Variants in NUDT14 observed in about 807,000 individuals in gnomAD.
NUDT14 encodes nudix hydrolase 14.
In NUDT14, 22 loss-of-function variants were observed where a neutral mutation model predicts 17.5. The ratio of observed to expected loss-of-function variants is 1.26; its 90% confidence interval spans 0.90 to 1.80. The LOEUF is 1.80. Ranked by LOEUF, NUDT14 falls within the 40% of genes most tolerant of loss-of-function variation. NUDT14 has a pLI of 0.00. For synonymous variants in NUDT14, 129 were observed against 125.8 expected, an observed-to-expected ratio of 1.03 and a Z score of -0.17; for missense variants, 296 against 295.6, an observed-to-expected ratio of 1.00 and a Z score of -0.01.
chr14:105,174,123 G>A (rs11844206), intron 4 of NUDT14, among the ~76,000 whole-genome samples: 99,666 of 151,926 alleles, frequency 0.66, 33,208 homozygotes, highest in African/African-American at 0.77. Flanking sequence ...CAGGCCCAGT[G>A]GCCCAGGCTG....
chr14:105,177,565 G>A, intron 2 of NUDT14, 127 bp downstream of exon 2: 1 of 837,364 alleles, frequency 1.2e-6, no homozygotes, highest in South Asian at 1.6e-5. Context: ...CAGAGAGAAG[G>A]GACTTTTGGA....
chr14:105,181,238 AGCTCTGCGG>A lies in NUDT14; in HGVS notation c.-38_-30del. The A allele has an allele frequency of 4.2e-6, 1 of 238,000 alleles. No homozygotes were observed. Among genetic ancestry groups the A allele is most frequent in the Non-Finnish European group, 5.3e-6 (1 of 188,988 alleles). 14.7% of individuals were successfully genotyped at this position (238,000 alleles called of 1,614,324 possible). On this transcript the variant is annotated 5_prime_UTR_variant, in exon 1 of 5. Coordinates refer to ENST00000392568, the MANE Select transcript of NUDT14 (RefSeq NM_177533.5). The surrounding 1 kb of genome is among the most constrained non-coding windows in gnomAD (Gnocchi z 5.0). Reference sequence around the variant, plus strand: ...GGCGCCCGGACAGGCGGGGGCCGCGAGCTCTGCGGGGGCCGACACGGGGCGGCGCCCTGT... The same window carrying A: ...GGCGCCCGGACAGGCGGGGGCCGCGAGGGCCGACACGGGGCGGCGCCCTGT...
Position 105,176,992 on chromosome 14 carries a change from C to T in NUDT14, c.161G>A (p.Ser54Asn). 2 of 1,612,122 alleles carry T rather than the reference C, an allele frequency of 1.2e-6. No homozygotes were observed. The highest frequency in any genetic ancestry group is 1.7e-6 in the Non-Finnish European group (2 of 1,179,818). ...CCGGAACTGCTTCACCAACACCAGG[C>T]TCCTCCGAGAAGAGTTGAATAAGAG... Reference protein sequence around the residue: ...TVLLFNSSRRSLVLVKQFRPA... With the variant: ...TVLLFNSSRRNLVLVKQFRPA... Residue 54 changes from serine to asparagine, a missense_variant, in exon 3 of 5, where the codon AGC (serine) becomes AAC (asparagine). By Grantham distance (46) the Ser-to-Asn change is conservative. Transcript: ENST00000392568.
rs1367473561 is a variant in NUDT14, at chr14:105,181,283, G to A, written c.-74C>T. The stretch of plus-strand genomic sequence containing the variant: ...GGGGCGGCGCCCTGTCCCGACAGGA[G>A]CCTTCGGGCGGGCGCGTGACCGCGG... On this transcript the variant is annotated 5_prime_UTR_variant, in exon 1 of 5. Transcript: ENST00000392568. The surrounding 1 kb of genome is among the most constrained non-coding windows in gnomAD (Gnocchi z 5.0). 13 of 622,322 alleles carry A rather than the reference G, an allele frequency of 2.1e-5. No individual in the cohort carries two copies. Among genetic ancestry groups the A allele is most frequent in the Non-Finnish European group, 2.7e-5 (13 of 477,524 alleles). The allele number at this position is 622,322 out of a possible 1,614,324, so 38.6% of individuals were successfully genotyped here. A position where few individuals can be genotyped will look rare whatever the true frequency, so the allele number is the denominator to read the frequency against.
chr14:105,180,277 G>A (rs1302103200), intron 1 of NUDT14, among the ~76,000 whole-genome samples: 2 of 152,174 alleles, frequency 1.3e-5, no homozygotes, highest in Non-Finnish European at 2.9e-5. Context: ...ACCAGCCTGG[G>A]CAACAGTGAG....
At chr14:105,175,870 G>A in intron 4 of NUDT14, 1 of 1,139,118 alleles carries the variant, frequency 8.8e-7, no homozygotes, top group South Asian at 1.7e-5. Flanking sequence ...AGTGGAGCGG[G>A]CCCTGGCCTC....
In NUDT14 at chr14:105,173,246, C is replaced by G. The variant is rs1214133548; in HGVS notation, c.444G>C (p.Leu148=). The G allele has an allele frequency of 6.4e-7, 1 of 1,573,378 alleles. No homozygotes were observed. Among genetic ancestry groups the G allele is most frequent in the Admixed American group, 1.8e-5 (1 of 54,228 alleles). ...AGAACATGGTCTGTCTGGAGCCAGT[C>G]AGTCCCACTCCAGACCTACGGGTTG... ...RVATYWSGVG[L]TGSRQTMFYT... Residue 148 remains leucine (L), a synonymous_variant, in exon 5 of 5, where the codon CTG becomes CTC. Coordinates refer to ENST00000392568, the MANE Select transcript of NUDT14 (RefSeq NM_177533.5). The surrounding 1 kb of genome is among the most constrained non-coding windows in gnomAD (Gnocchi z 4.7).
intron 1 of NUDT14, among the ~76,000 whole-genome samples, chr14:105,178,592 G>A (rs1566778438): frequency 6.6e-6 from 1 of 152,198 alleles, no homozygotes; most frequent in African/African-American, 2.4e-5. Flanking sequence ...CCTGGGGGCT[G>A]AGCCTGGGGT....
rs1320140367 is a variant in NUDT14 at position 105,181,112 on chromosome 14, C to T, written c.81+17G>A. 9 of 970,656 alleles carry T rather than the reference C, an allele frequency of 9.3e-6. No individual in the cohort carries two copies. The highest frequency in any genetic ancestry group is 1.8e-5 in the African/African-American group (1 of 56,102). The allele number at this position is 970,656 out of a possible 1,614,324, so 60.1% of individuals were successfully genotyped here. A position where few individuals can be genotyped will look rare whatever the true frequency, so the allele number is the denominator to read the frequency against. On this transcript the variant is annotated intron_variant, in intron 1 of 4. Transcript: ENST00000392568. The surrounding 1 kb of genome is among the most constrained non-coding windows in gnomAD (Gnocchi z 5.0). Reference sequence around the variant, plus strand: ...GCCGCCGGCGGGGGCGCGGGGGACGCGGGGGCGCGGGCTCACCTGGCGGTA... The same window carrying T: ...GCCGCCGGCGGGGGCGCGGGGGACGTGGGGGCGCGGGCTCACCTGGCGGTA...
Position 105,176,601 on chromosome 14 carries a change from T to A in NUDT14, c.361A>T (p.Lys121Ter). The change falls in exon 4 of 5, where the codon AAG becomes TAG. Residue 121 changes from lysine (K) to a stop codon, truncating the protein, a stop_gained. Transcript: ENST00000392568. LOFTEE classifies it high-confidence loss of function. ...PGLSLEEVAC[K>*]EAWEECGYHL... The stretch of plus-strand genomic sequence containing the variant: ...TAGCCACACTCCTCCCAAGCCTCCT[T>A]GCAAGCCACTTCCTCCAGCGAGAGC... 6.2e-7 allele frequency: 1 copy of A among 1,612,620 alleles called. No homozygotes were observed. Among genetic ancestry groups the A allele is most frequent in the Non-Finnish European group, 8.5e-7 (1 of 1,179,908 alleles).
chr14:105,180,274 T>A (rs1377123609), intron 1 of NUDT14, among the ~76,000 whole-genome samples: 1 of 152,146 alleles, frequency 6.6e-6, no homozygotes, highest in African/African-American at 2.4e-5. Context: ...AAGACCAGCC[T>A]GGGCAACAGT....
In NUDT14 at chr14:105,176,739, G is replaced by A. The variant is rs374599884; in HGVS notation, c.223C>T (p.Pro75Ser). ...VYAGEVERRF[P>S]GSLAAVDQDG... The stretch of plus-strand genomic sequence containing the variant: ...TGGTCTACAGCTGCTAGGGACCCTG[G>A]GAAGCGGCGCTCCACCTCACCCGCA... The change falls in exon 4 of 5, where the codon CCA becomes TCA. Residue 75 changes from proline to serine, a missense_variant. Pro to Ser is a moderately conservative substitution (Grantham distance 74). Transcript: ENST00000392568. 3 of 1,612,454 alleles carry A rather than the reference G, an allele frequency of 1.9e-6. No homozygotes were observed. The African/African-American group carries it at 4.0e-5, about 22-fold the overall frequency.
At position 105,181,231 on chromosome 14, in the gene NUDT14, GGCCGCGAGC is replaced by G; in HGVS notation, c.-31_-23del. 7.8e-6 allele frequency: 2 copies of G among 256,920 alleles called. No homozygotes were observed. The highest frequency in any genetic ancestry group is 8.4e-5 in the African/African-American group (1 of 11,864). 15.9% of individuals were successfully genotyped at this position (256,920 alleles called of 1,614,324 possible). ...CCATGGCGGCGCCCGGACAGGCGGG[GGCCGCGAGC>G]TCTGCGGGGGCCGACACGGGGCGGC... On this transcript the variant is annotated 5_prime_UTR_variant, in exon 1 of 5. Coordinates refer to ENST00000392568, the MANE Select transcript of NUDT14 (RefSeq NM_177533.5). The surrounding 1 kb of genome is among the most constrained non-coding windows in gnomAD (Gnocchi z 5.0).
At position 105,176,024 on chromosome 14, in the gene NUDT14, C is replaced by T. The variant is rs1016670768; in HGVS notation, c.428+510G>A. ...GATGGGCTTCATACCAACATCTAGT[C>T]CTGGGAAGGCAACCCCACCCCAGCT... On this transcript the variant is annotated intron_variant, in intron 4 of 4. Coordinates refer to ENST00000392568, the MANE Select transcript of NUDT14 (RefSeq NM_177533.5). 9 of 1,236,396 alleles carry T rather than the reference C, an allele frequency of 7.3e-6. No individual in the cohort carries two copies. The Admixed American group carries it at 8.3e-5, about 11-fold the overall frequency. The allele number at this position is 1,236,396 out of a possible 1,614,324, so 76.6% of individuals were successfully genotyped here. A position where few individuals can be genotyped will look rare whatever the true frequency, so the allele number is the denominator to read the frequency against.
Position 105,181,222 on chromosome 14 carries a change from A to C in NUDT14, c.-13T>G. On this transcript the variant is annotated 5_prime_UTR_variant, in exon 1 of 5. Transcript: ENST00000392568. The surrounding 1 kb of genome is among the most constrained non-coding windows in gnomAD (Gnocchi z 5.0). Reference sequence around the variant, plus strand: ...CGATGCGCTCCATGGCGGCGCCCGGACAGGCGGGGGCCGCGAGCTCTGCGG... The same window carrying C: ...CGATGCGCTCCATGGCGGCGCCCGGCCAGGCGGGGGCCGCGAGCTCTGCGG... 1 of 1,061,716 alleles carries C rather than the reference A, an allele frequency of 9.4e-7. No individual in the cohort carries two copies. Among genetic ancestry groups the C allele is most frequent in the Non-Finnish European group, 1.2e-6 (1 of 862,140 alleles). 65.8% of individuals were successfully genotyped at this position (1,061,716 alleles called of 1,614,324 possible).
At chr14:105,177,904 C>G in intron 1 of NUDT14, 169 bp from the exon 2 acceptor site, 1 of 617,386 alleles carries the variant, frequency 1.6e-6, no homozygotes, top group Non-Finnish European at 2.9e-6. Context: ...GAGCAAGCAG[C>G]CTGGGAGGGG....
rs1261382447 is a variant in NUDT14, at chr14:105,181,259, G to T, written c.-50C>A. 2.8e-6 allele frequency: 2 copies of T among 713,788 alleles called. No homozygotes were observed. The highest frequency in any genetic ancestry group is 3.6e-6 in the Non-Finnish European group (2 of 555,964). The allele number at this position is 713,788 out of a possible 1,614,324, so 44.2% of individuals were successfully genotyped here. On this transcript the variant is annotated 5_prime_UTR_variant, in exon 1 of 5. Transcript: ENST00000392568. This position sits in a 1 kb window ranked among gnomAD's most constrained non-coding sequence, Gnocchi z 5.0. Reference sequence around the variant, plus strand: ...CGCGAGCTCTGCGGGGGCCGACACGGGGCGGCGCCCTGTCCCGACAGGAGC... The same window carrying T: ...CGCGAGCTCTGCGGGGGCCGACACGTGGCGGCGCCCTGTCCCGACAGGAGC...
At chr14:105,177,378 G>A (rs587715049) in intron 2 of NUDT14, 11 of 546,368 alleles carry the variant, frequency 2.0e-5, no homozygotes, top group South Asian at 1.2e-4. Flanking sequence ...CACACTCCTC[G>A]AGCCACGTCG....
chr14:105,178,658 C>A (rs928335327), intron 1 of NUDT14, among the ~76,000 whole-genome samples: 5 of 152,230 alleles, frequency 3.3e-5, no homozygotes, highest in Admixed American at 2.0e-4. Flanking sequence ...GAGGCCCAGG[C>A]CAGCTGCTCA....
Sources: gnomAD v4.1 joint callset for allele counts (sites outside exome capture counted in the v4.1 genomes callset) on GRCh38, gnomAD v4.1.1 for gene constraint, Gnocchi (gnomAD v3.1) non-coding constraint, MANE v1.5 for transcripts, NCBI Gene and HGNC (gene_info 2026-07-23, HGNC 2026-07-21) for gene names.